Variants in ZMYM2 observed in about 807,000 individuals in gnomAD.
The protein encoded by ZMYM2 is zinc finger MYM-type containing 2.
A neutral mutation model predicts 162.8 loss-of-function variants in ZMYM2; 56 were observed. The ratio of observed to expected loss-of-function variants is 0.34; its 90% CI spans 0.28 to 0.43. The LOEUF is 0.43. Ranked by LOEUF, ZMYM2 falls within the 20% of genes least tolerant of loss-of-function variation. The pLI is 1.00. For missense variants in ZMYM2, 1,275 were observed against 1,621.8 expected (o/e 0.79, Z 3.67); for synonymous variants, 510 against 541.6 (o/e 0.94, Z 0.81).
intron 12 of ZMYM2, among the ~76,000 whole-genome samples, chr13:20,047,903 C>G (rs918671729): frequency 6.6e-6 from 1 of 152,022 alleles, no homozygotes; most frequent in Non-Finnish European, 1.5e-5. Context: ...TACTTTTCCT[C>G]AAGTAAATGT....
rs866601819 is a variant in ZMYM2, at chr13:19,970,718, G to C, written c.-11+10692G>C. ...TTATTAAGTTCAAGGTTATAGTAAG[G>C]CAATAAGAGCATAGGTCTTTTCCCT... On this transcript the variant is annotated intron_variant, in intron 2 of 24. Transcript: ENST00000610343. Among the ~76,000 whole-genome samples the C allele has an allele frequency of 8.6e-5, 13 of 152,040 alleles. No homozygotes were observed. The Middle Eastern group carries it at 0.01, about 119-fold the overall frequency.
the ZMYM2 span, among the ~76,000 whole-genome samples, chr13:19,918,581 C>A: frequency 6.9e-6 from 1 of 145,434 alleles, no homozygotes; most frequent in Non-Finnish European, 1.5e-5. Context: ...TCACTGCAAC[C>A]TCTGCCACCC....
At chr13:19,951,527 T>TAAAAAAA in the ZMYM2 span, among the ~76,000 whole-genome samples, 16 of 76,432 alleles carry the variant, frequency 2.1e-4, no homozygotes, top group Admixed American at 7.8e-4. Flanking sequence ...CCATCTCTAC[T>TAAAAAAA]AAAAAAAAAA....
chr13:20,060,961 A>G, intron 16 of ZMYM2, 92 bp from the exon 17 acceptor site: 1 of 1,246,738 alleles, frequency 8.0e-7, no homozygotes. Flanking sequence ...GTGTGATATT[A>G]CAAAGTAGAT....
chr13:20,008,103 T>G (rs1594323814), intron 6 of ZMYM2, among the ~76,000 whole-genome samples: 1 of 152,170 alleles, frequency 6.6e-6, no homozygotes, highest in East Asian at 1.9e-4. Context: ...TTGAGAGAGA[T>G]TAATTATAAC....
intron 6 of ZMYM2, among the ~76,000 whole-genome samples, chr13:20,017,487 A>G (rs1951723256): frequency 6.6e-6 from 1 of 152,124 alleles, no homozygotes; most frequent in African/African-American, 2.4e-5. Context: ...GTGTTTGCTA[A>G]CCTTCTATCT....
At chr13:20,028,044 A>G (rs1952743089) in intron 9 of ZMYM2, 1 of 179,096 alleles carries the variant, frequency 5.6e-6, no homozygotes, top group South Asian at 2.0e-4. Context: ...TAATTCATCC[A>G]ACAATTCTGC....
chr13:20,012,307 C>T (rs919226752), intron 6 of ZMYM2, among the ~76,000 whole-genome samples: 3 of 152,178 alleles, frequency 2.0e-5, no homozygotes, highest in Admixed American at 2.0e-4. Context: ...TCCCAAGTAG[C>T]TAGGACTATA....
At chr13:19,940,069 T>C in the ZMYM2 span, among the ~76,000 whole-genome samples, 1 of 152,180 alleles carries the variant, frequency 6.6e-6, no homozygotes, top group African/African-American at 2.4e-5. Context: ...CAGGTGTTTA[T>C]GAAAACATAT....
At chr13:19,947,785 C>T in the ZMYM2 span, among the ~76,000 whole-genome samples, 1 of 152,062 alleles carries the variant, frequency 6.6e-6, no homozygotes, top group Non-Finnish European at 1.5e-5. Flanking sequence ...TGAGCCACTG[C>T]GCCCGGCCGC....
At chr13:19,895,138 T>C in the ZMYM2 span, among the ~76,000 whole-genome samples, 9 of 146,776 alleles carry the variant, frequency 6.1e-5, no homozygotes, top group Admixed American at 1.4e-4. Context: ...TGTCTGTATA[T>C]ATAAAACAGA....
the ZMYM2 span, among the ~76,000 whole-genome samples, chr13:19,947,018 T>G: frequency 6.6e-6 from 1 of 151,514 alleles, no homozygotes; most frequent in Non-Finnish European, 1.5e-5. Context: ...GTTATCAATT[T>G]TTTATTTTAT....
the ZMYM2 span, among the ~76,000 whole-genome samples, chr13:19,869,202 G>A: frequency 6.6e-6 from 1 of 152,152 alleles, no homozygotes. Flanking sequence ...ACTATGCACA[G>A]TAATTTGAAG....
intron 6 of ZMYM2, among the ~76,000 whole-genome samples, chr13:20,013,177 C>G (rs949224326): frequency 1.3e-5 from 2 of 152,118 alleles, no homozygotes; most frequent in Non-Finnish European, 2.9e-5. Context: ...CAAGTCTTCA[C>G]CTCCTTTGCT....
At chr13:19,977,569 T>C (rs1427543530) in intron 2 of ZMYM2, among the ~76,000 whole-genome samples, 1 of 151,050 alleles carries the variant, frequency 6.6e-6, no homozygotes, top group Non-Finnish European at 1.5e-5. Context: ...CTCGGCTCAC[T>C]GCAAGCCCTG....
At chr13:19,990,765 C>T (rs1949538409) in intron 2 of ZMYM2, among the ~76,000 whole-genome samples, 1 of 152,064 alleles carries the variant, frequency 6.6e-6, no homozygotes, top group South Asian at 2.1e-4. Flanking sequence ...AACTATATAG[C>T]CAGTATCTCC....
intron 5 of ZMYM2, among the ~76,000 whole-genome samples, chr13:20,005,743 A>G (rs1950691231): frequency 6.6e-6 from 1 of 152,150 alleles, no homozygotes; most frequent in Admixed American, 6.5e-5. Context: ...AGAGAAATGT[A>G]CTTTATTTAT....
At chr13:19,940,439 A>G in the ZMYM2 span, among the ~76,000 whole-genome samples, 1 of 152,278 alleles carries the variant, frequency 6.6e-6, no homozygotes, top group Non-Finnish European at 1.5e-5. Context: ...TATCTTGATT[A>G]CATGATATTT....
chr13:20,063,453 T>C (rs1326230927), intron 18 of ZMYM2, among the ~76,000 whole-genome samples: 1 of 149,864 alleles, frequency 6.7e-6, no homozygotes, highest in Admixed American at 6.7e-5. Context: ...TTATAGAAAG[T>C]TTAAAGAAGT....
Sources: allele counts gnomAD v4.1 joint callset (sites outside exome capture counted in the v4.1 genomes callset), GRCh38; gene constraint gnomAD v4.1.1; transcripts MANE v1.5; gene names NCBI Gene and HGNC (gene_info 2026-07-23, HGNC 2026-07-21).